The following CFAP299 variants were observed in gnomAD, a reference collection of about 807,000 sequenced individuals.
CFAP299 encodes cilia and flagella associated protein 299.
In CFAP299, 21 loss-of-function variants were observed where a neutral mutation model predicts 27.0. The ratio of observed to expected loss-of-function variants is 0.78; its 90% confidence interval spans 0.55 to 1.12. The LOEUF (loss-of-function observed/expected upper bound fraction) is 1.12, where lower values mean the gene tolerates loss of function less well. Ranked by LOEUF, CFAP299 falls within the 50% of genes most tolerant of loss-of-function variation. The pLI is 0.00. For missense variants in CFAP299, 310 were observed against 276.6 expected (o/e 1.12, Z -0.86); for synonymous variants, 104 against 98.1 (o/e 1.06, Z -0.36).
At chr4:80,510,451 T>G (rs935938485) in intron 2 of CFAP299, among the ~76,000 whole-genome samples, 1 of 152,154 alleles carries the variant, frequency 6.6e-6, no homozygotes, top group African/African-American at 2.4e-5. Flanking sequence ...TGGAGCCATA[T>G]GTGTTCCAAA....
intron 3 of CFAP299, among the ~76,000 whole-genome samples, chr4:80,657,201 T>G (rs183299551): frequency 6.6e-6 from 1 of 152,330 alleles, no homozygotes; most frequent in East Asian, 1.9e-4. Context: ...GATGATAGTT[T>G]CTTTTGCTGT....
intron 3 of CFAP299, among the ~76,000 whole-genome samples, chr4:80,825,340 C>T (rs1729925003): frequency 6.6e-6 from 1 of 151,820 alleles, no homozygotes. Flanking sequence ...GAAAGAAAAA[C>T]AGATTATTTG....
intron 3 of CFAP299, among the ~76,000 whole-genome samples, chr4:80,816,421 A>G (rs1246620387): frequency 6.6e-6 from 1 of 152,164 alleles, no homozygotes; most frequent in African/African-American, 2.4e-5. Context: ...TACTCCCTCA[A>G]TTTGAAAATG....
At chr4:80,882,155 A>G (rs1733736200) in intron 4 of CFAP299, among the ~76,000 whole-genome samples, 1 of 152,188 alleles carries the variant, frequency 6.6e-6, no homozygotes, top group Non-Finnish European at 1.5e-5. Flanking sequence ...TTATAGAAGG[A>G]GAATAGAGAT....
At chr4:80,715,036 G>A (rs1212114103) in intron 3 of CFAP299, among the ~76,000 whole-genome samples, 2 of 152,182 alleles carry the variant, frequency 1.3e-5, no homozygotes, top group Admixed American at 6.6e-5. Context: ...GGCAAGTTTA[G>A]GAGTACCGAT....
intron 3 of CFAP299, among the ~76,000 whole-genome samples, chr4:80,783,744 ATTTG>A (rs1727073480): frequency 1.3e-5 from 2 of 152,174 alleles, no homozygotes. Context: ...ATCTTTCAAA[ATTTG>A]TTTTAGTTCA....
chr4:80,393,018 T>G (rs1485963864), intron 2 of CFAP299, among the ~76,000 whole-genome samples: 3 of 152,158 alleles, frequency 2.0e-5, no homozygotes, highest in Non-Finnish European at 4.4e-5. Flanking sequence ...CTGAAGACTT[T>G]CCAGTGGGAT....
At chr4:80,432,533 A>ATTTTTT (rs58017511) in intron 2 of CFAP299, among the ~76,000 whole-genome samples, 2 of 120,974 alleles carry the variant, frequency 1.7e-5, no homozygotes, top group Non-Finnish European at 3.2e-5. Flanking sequence ...TTTACACTCT[A>ATTTTTT]TTTTTTTTTT....
At position 80,727,071 on chromosome 4, in the gene CFAP299, C is replaced by A. The variant is rs148690795; in HGVS notation, c.334-142922C>A. On this transcript the variant is annotated intron_variant, in intron 3 of 5. Transcript: ENST00000358105. ...GAAAACAGATCAGTGGGAGTCAGGG[C>A]AATGTCATGTATGTTCCAAGATAAC... 9.4e-3 allele frequency among the ~76,000 whole-genome samples: 1,425 copies of A among 152,076 alleles called. 18 individuals carry two copies. Among genetic ancestry groups the A allele is most frequent in the South Asian group, 0.062 (298 of 4,820 alleles).
At chr4:80,575,547 C>T (rs1284217922) in intron 2 of CFAP299, among the ~76,000 whole-genome samples, 3 of 150,812 alleles carry the variant, frequency 2.0e-5, no homozygotes, top group African/African-American at 7.3e-5. Context: ...TTTTTTTTCG[C>T]AGTCTGGCTA....
chr4:80,893,076 A>G (rs1307042585), intron 4 of CFAP299, among the ~76,000 whole-genome samples: 2 of 151,958 alleles, frequency 1.3e-5, no homozygotes, highest in Non-Finnish European at 2.9e-5. Flanking sequence ...CAGATGCATT[A>G]TATCCACTAA....
intron 2 of CFAP299, among the ~76,000 whole-genome samples, chr4:80,527,903 T>A (rs537613662): frequency 6.6e-6 from 1 of 152,214 alleles, no homozygotes; most frequent in East Asian, 1.9e-4. Context: ...ATGACTGATA[T>A]TTTCCTGGTT....
intron 3 of CFAP299, among the ~76,000 whole-genome samples, chr4:80,683,097 C>T (rs531555204): frequency 3.6e-4 from 55 of 152,274 alleles, no homozygotes; most frequent in African/African-American, 1.2e-3. Flanking sequence ...TTCTATAACA[C>T]CTCTATCTCC....
chr4:80,687,705 C>A (rs906702429), intron 3 of CFAP299, among the ~76,000 whole-genome samples: 5 of 152,204 alleles, frequency 3.3e-5, no homozygotes, highest in Non-Finnish European at 7.3e-5. Flanking sequence ...CGAATAGGAA[C>A]AGCTCCGGTC....
intron 3 of CFAP299, among the ~76,000 whole-genome samples, chr4:80,812,015 C>G (rs1729179593): frequency 1.3e-5 from 2 of 151,954 alleles, no homozygotes; most frequent in African/African-American, 4.8e-5. Context: ...TGAAACAGGA[C>G]TACAATAGCG....
chr4:80,961,023 T>G lies in CFAP299; in HGVS notation c.607-2494T>G, dbSNP rs541809786. On this transcript the variant is annotated intron_variant, in intron 5 of 5. Coordinates refer to ENST00000358105, the MANE Select transcript of CFAP299 (RefSeq NM_152770.3). ...TATCAAGCGAGTATTCATTGTATAA[T>G]TCAACTTAATATCAGTCTAAGGTTA... Among the ~76,000 whole-genome samples the G allele has an allele frequency of 1.9e-4, 29 of 151,912 alleles. 1 individual carries two copies. In the South Asian group the frequency reaches 5.8e-3, roughly 30 times the overall value.
At position 80,565,479 on chromosome 4, in the gene CFAP299, G is replaced by C. The variant is rs1397340647; in HGVS notation, c.243-17614G>C. Among the ~76,000 whole-genome samples, 3 of 151,984 alleles carry C rather than the reference G, an allele frequency of 2.0e-5. No homozygotes were observed. The East Asian group carries it at 5.8e-4, about 29-fold the overall frequency. On this transcript the variant is annotated intron_variant, in intron 2 of 5. Transcript: ENST00000358105. Reference sequence around the variant, plus strand: ...AAAAACGATCTATGTAGAAGGAAGGGAATAAAAGGGTAGAAAGGACTCGGG... The same window carrying C: ...AAAAACGATCTATGTAGAAGGAAGGCAATAAAAGGGTAGAAAGGACTCGGG...
chr4:80,398,327 G>A (rs1033418621), intron 2 of CFAP299, among the ~76,000 whole-genome samples: 1 of 152,050 alleles, frequency 6.6e-6, no homozygotes, highest in East Asian at 1.9e-4. Flanking sequence ...CACAGAATTG[G>A]GAAAAACTAC....
At chr4:80,927,448 T>A (rs1736362716) in intron 4 of CFAP299, among the ~76,000 whole-genome samples, 1 of 152,112 alleles carries the variant, frequency 6.6e-6, no homozygotes, top group South Asian at 2.1e-4. Flanking sequence ...TACTGCTAAG[T>A]CACAAATTAC....
Sources: gnomAD v4.1 joint callset for allele counts (sites outside exome capture counted in the v4.1 genomes callset) on GRCh38, gnomAD v4.1.1 for gene constraint, MANE v1.5 for transcripts, NCBI Gene and HGNC (gene_info 2026-07-23, HGNC 2026-07-21) for gene names.